Variants in KAT2B observed in about 807,000 individuals in gnomAD.
KAT2B encodes the protein lysine acetyltransferase 2B.
In KAT2B, 36 loss-of-function variants were observed where a neutral mutation model predicts 105.9. The ratio of observed to expected loss-of-function variants is 0.34; its 90% CI spans 0.26 to 0.45. The LOEUF (loss-of-function observed/expected upper bound fraction) is 0.45. Ranked by LOEUF, KAT2B falls within the 20% of genes least tolerant of loss-of-function variation. The pLI, the probability that KAT2B is intolerant of heterozygous loss-of-function variation, is 1.00. For missense variants in KAT2B, 820 were observed against 1,021.6 expected, an observed-to-expected ratio of 0.80 and a Z score of 2.69; for synonymous variants, 397 against 377.9, an observed-to-expected ratio of 1.05 and a Z score of -0.59.
In KAT2B at chr3:20,040,731, C is replaced by G; in HGVS notation, c.254C>G (p.Ala85Gly). ...GTGAAGAAAGCGCAACTACGCTCCG[C>G]TCCGCGGGCCAAGAAACTGGAGAAA... is the stretch of plus-strand genomic sequence containing the variant. ...IAVKKAQLRSAPRAKKLEKLG... is the reference protein window; with the variant it reads ...IAVKKAQLRSGPRAKKLEKLG... Residue 85 changes from alanine to glycine, a missense_variant, in exon 1 of 18, where the codon GCT (alanine) becomes GGT (glycine). Ala to Gly is a moderately conservative substitution (Grantham distance 60). Around this residue, in one of 6 missense-constraint regions of KAT2B, gnomAD observed 190 missense variants for 176.7 expected, o/e 1.08. Coordinates refer to ENST00000263754, the MANE Select transcript of KAT2B (RefSeq NM_003884.5). 1 of 1,596,624 alleles carries G rather than the reference C, an allele frequency of 6.3e-7. No homozygotes were observed. Among genetic ancestry groups the G allele is most frequent in the Non-Finnish European group, 8.5e-7 (1 of 1,174,252 alleles).
rs1698908326 is a variant in KAT2B, at chr3:20,101,431, A to G, written c.814A>G (p.Asn272Asp). Residue 272 changes from asparagine (N) to aspartate (D), a missense_variant, in exon 5 of 18, where the codon AAT (asparagine) becomes GAT (aspartate). By Grantham distance (23) the Asn-to-Asp change is conservative. Transcript: ENST00000263754. Reference protein sequence around the residue: ...APSQRRLRSPNDDISGYKENY... With the variant: ...APSQRRLRSPDDDISGYKENY... ...ATCTCAACGAAGACTGCGATCTCCC[A>G]ATGATGATATTTCTGGATACAAAGA... is the stretch of plus-strand genomic sequence containing the variant. 2.5e-6 allele frequency: 4 copies of G among 1,614,084 alleles called. No individual in the cohort carries two copies. The highest frequency in any genetic ancestry group is 1.1e-5 in the South Asian group (1 of 91,072).
At chr3:20,078,693 G>A (rs924097859) in intron 2 of KAT2B, among the ~76,000 whole-genome samples, 1 of 151,496 alleles carries the variant, frequency 6.6e-6, no homozygotes, top group Admixed American at 6.6e-5. Flanking sequence ...TGATATATGT[G>A]TATATATATG....
intron 1 of KAT2B, 121 bp downstream of exon 1, chr3:20,040,901 C>T (rs1697705200): frequency 2.5e-6 from 3 of 1,214,414 alleles, no homozygotes; most frequent in South Asian, 1.7e-5. Context: ...CCGCCTGGGG[C>T]CGCTGCACCG....
chr3:20,071,994 T>C (rs1039444730), intron 1 of KAT2B, among the ~76,000 whole-genome samples: 35 of 152,178 alleles, frequency 2.3e-4, no homozygotes, highest in African/African-American at 8.4e-4. Flanking sequence ...GAGTCTGGCT[T>C]GTGGATTTGG....
chr3:20,128,728 G>A (rs1484984291), intron 11 of KAT2B, among the ~76,000 whole-genome samples: 1 of 151,942 alleles, frequency 6.6e-6, no homozygotes, highest in Non-Finnish European at 1.5e-5. Flanking sequence ...ATTCATTTAG[G>A]GCTGGGCAGT....
chr3:20,040,871 C>G, intron 1 of KAT2B, 91 bp downstream of exon 1: 1 of 1,380,536 alleles, frequency 7.2e-7, no homozygotes, highest in Non-Finnish European at 9.4e-7. Flanking sequence ...CTCCGCCTCC[C>G]GCCTCCTGCC....
intron 1 of KAT2B, among the ~76,000 whole-genome samples, chr3:20,070,736 C>T (rs560798079): frequency 7.3e-5 from 11 of 151,550 alleles, no homozygotes; most frequent in Non-Finnish European, 1.2e-4. Context: ...CTGCTGGTCA[C>T]GGTGGCGCAC....
At chr3:20,050,436 C>T (rs1697897036) in intron 1 of KAT2B, among the ~76,000 whole-genome samples, 1 of 152,024 alleles carries the variant, frequency 6.6e-6, no homozygotes, top group Admixed American at 6.6e-5. Context: ...TTCTCTTGTG[C>T]CTCCTCCCCA....
At chr3:20,123,509 A>G (rs776389057) in intron 9 of KAT2B, among the ~76,000 whole-genome samples, 12 of 151,920 alleles carry the variant, frequency 7.9e-5, no homozygotes, top group Non-Finnish European at 1.6e-4. Context: ...TAATTGAGAC[A>G]GGGAATGTGT....
chr3:20,063,007 G>T (rs1698163924), intron 1 of KAT2B, among the ~76,000 whole-genome samples: 1 of 151,920 alleles, frequency 6.6e-6, no homozygotes, highest in Non-Finnish European at 1.5e-5. Flanking sequence ...ATGTCTTTTG[G>T]TGCACAGAAA....
rs760923919 is a variant in KAT2B, at chr3:20,126,122, T to A, written c.1622+9T>A. On this transcript the variant is annotated intron_variant, in intron 10 of 17. Coordinates refer to ENST00000263754, the MANE Select transcript of KAT2B (RefSeq NM_003884.5). Reference sequence around the variant, plus strand: ...CGGCTCGTCTTTGACCCGTAAGTGGTACTTTCTGTTCCTTCTTCCTTATTT... The same window carrying A: ...CGGCTCGTCTTTGACCCGTAAGTGGAACTTTCTGTTCCTTCTTCCTTATTT... 3.2e-6 allele frequency: 5 copies of A among 1,573,938 alleles called. No individual in the cohort carries two copies. The highest frequency in any genetic ancestry group is 3.5e-6 in the Non-Finnish European group (4 of 1,156,958).
chr3:20,133,733 G>C (rs775328554), intron 11 of KAT2B, among the ~76,000 whole-genome samples: 1 of 152,140 alleles, frequency 6.6e-6, no homozygotes, highest in African/African-American at 2.4e-5. Context: ...GGGTCTCCCA[G>C]TTTACATTTT....
At chr3:20,102,068 G>A (rs1370365345) in intron 5 of KAT2B, among the ~76,000 whole-genome samples, 1 of 152,140 alleles carries the variant, frequency 6.6e-6, no homozygotes, top group East Asian at 1.9e-4. Flanking sequence ...TGTAATCCTA[G>A]CACTTTGGGA....
intron 9 of KAT2B, among the ~76,000 whole-genome samples, chr3:20,125,097 C>G (rs575086110): frequency 3.5e-4 from 53 of 152,128 alleles, no homozygotes; most frequent in Middle Eastern, 6.8e-3. Context: ...CCGAGGCGGG[C>G]AGATCACGAG....
intron 1 of KAT2B, among the ~76,000 whole-genome samples, chr3:20,046,678 T>C (rs191266950): frequency 6.6e-6 from 1 of 152,340 alleles, no homozygotes; most frequent in African/African-American, 2.4e-5. Context: ...GGCTAAGGGC[T>C]GGTGGGTGGG....
At chr3:20,069,493 G>T (rs939013852) in intron 1 of KAT2B, among the ~76,000 whole-genome samples, 1 of 150,566 alleles carries the variant, frequency 6.6e-6, no homozygotes, top group African/African-American at 2.5e-5. Context: ...ATATAGGGGA[G>T]GGCAGAGAGC....
intron 11 of KAT2B, among the ~76,000 whole-genome samples, chr3:20,129,569 T>C (rs899128858): frequency 1.3e-5 from 2 of 151,848 alleles, no homozygotes; most frequent in African/African-American, 4.8e-5. Context: ...AGAGATGAGG[T>C]TTCGCCATGT....
chr3:20,148,210 T>A, intron 15 of KAT2B, 33 bp from the exon 16 acceptor site: 1 of 1,581,638 alleles, frequency 6.3e-7, no homozygotes, highest in Non-Finnish European at 8.7e-7. Context: ...AAAACTCTAA[T>A]CATTGCTCCT....
At chr3:20,130,051 C>A (rs1257623231) in intron 11 of KAT2B, among the ~76,000 whole-genome samples, 1 of 152,076 alleles carries the variant, frequency 6.6e-6, no homozygotes, top group East Asian at 1.9e-4. Context: ...GTGATCTGCT[C>A]ACTGCAACCT....
Sources: allele counts gnomAD v4.1 joint callset (sites outside exome capture counted in the v4.1 genomes callset), GRCh38; gene constraint gnomAD v4.1.1; regional missense constraint gnomAD v4.1.1; transcripts MANE v1.5; gene names NCBI Gene and HGNC (gene_info 2026-07-23, HGNC 2026-07-21).